SLC41A1: variants seen among roughly 807,000 people sequenced by gnomAD.
The protein encoded by SLC41A1 is solute carrier family 41 (magnesium transporter), member 1.
Under a neutral mutation model 47.3 loss-of-function variants are expected in SLC41A1, and 20 were observed. The observed-to-expected ratio is 0.42, with a 90% CI of 0.30 to 0.61. The LOEUF is 0.61. Among genes scored for constraint, SLC41A1 ranks in the 20% least tolerant of loss-of-function variants. The pLI, the probability that SLC41A1 is intolerant of heterozygous loss-of-function variation, is 0.17. For missense variants in SLC41A1, 504 were observed against 674.1 expected (o/e 0.75, Z 2.79); for synonymous variants, 282 against 272.7 (o/e 1.03, Z -0.34).
Position 205,791,749 on chromosome 1 carries a change from C to A in SLC41A1, c.1357-31G>T, listed in dbSNP as rs1360661392. The A allele has an allele frequency of 1.2e-5, 20 of 1,610,114 alleles. No homozygotes were observed. Among genetic ancestry groups the A allele is most frequent in the Non-Finnish European group, 1.6e-5 (19 of 1,178,946 alleles). On this transcript the variant is annotated intron_variant, in intron 10 of 10. Coordinates refer to ENST00000367137, the MANE Select transcript of SLC41A1 (RefSeq NM_173854.6). This position sits in a 1 kb window ranked among gnomAD's most constrained non-coding sequence, Gnocchi z 4.0. The stretch of plus-strand genomic sequence containing the variant: ...GAGACAAAAGGGCCCAGCCTATAGC[C>A]ATCCTCTCTCTCCAGGGGGAGCCAG...
In SLC41A1 at chr1:205,802,548, C is replaced by T. The variant is rs528480991; in HGVS notation, c.373-1488G>A. ...CCTGACCAACATGGAGAAACCCCGT[C>T]TCTACTGAAAATACAAAAATTAGCT... On this transcript the variant is annotated intron_variant, in intron 2 of 10. Transcript: ENST00000367137. Among the ~76,000 whole-genome samples the T allele has an allele frequency of 3.3e-5, 5 of 151,544 alleles. No homozygotes were observed. In the East Asian group the frequency reaches 9.8e-4, roughly 30 times the overall value.
chr1:205,802,719 A>AAAAAT (rs60350796), intron 2 of SLC41A1, among the ~76,000 whole-genome samples: 16,899 of 133,278 alleles, frequency 0.13, 1,475 homozygotes, highest in African/African-American at 0.24. Flanking sequence ...ACTCTGTCTC[A>AAAAAT]AAAATAAAAT....
chr1:205,804,488 T>A (rs547363769), intron 2 of SLC41A1, among the ~76,000 whole-genome samples: 1 of 152,230 alleles, frequency 6.6e-6, no homozygotes, highest in African/African-American at 2.4e-5. Flanking sequence ...CTCCAAACAC[T>A]GAAGGGAAGT....
chr1:205,794,803 G>A, intron 10 of SLC41A1, 67 bp downstream of exon 10: 1 of 1,602,944 alleles, frequency 6.2e-7, no homozygotes, highest in Non-Finnish European at 8.5e-7. Flanking sequence ...GCCAAGTCTG[G>A]CCTCCTCTCC....
chr1:205,806,116 T>C (rs571422519), intron 2 of SLC41A1, among the ~76,000 whole-genome samples: 153 of 152,308 alleles, frequency 1.0e-3, no homozygotes, highest in African/African-American at 3.4e-3. Context: ...AAAGGCATCC[T>C]CTAGGTGTCC....
intron 2 of SLC41A1, among the ~76,000 whole-genome samples, chr1:205,804,197 C>G (rs1315085069): frequency 6.6e-6 from 1 of 152,118 alleles, no homozygotes; most frequent in Non-Finnish European, 1.5e-5. Context: ...GGGCTTGAGA[C>G]CAGGAGAGGC....
intron 8 of SLC41A1, 190 bp downstream of exon 8, chr1:205,796,734 T>C: frequency 1.6e-6 from 1 of 639,446 alleles, no homozygotes; most frequent in Admixed American, 2.5e-5. Context: ...TGCCTCAACA[T>C]CCCTTATCTG....
intron 8 of SLC41A1, 54 bp from the exon 9 acceptor site, chr1:205,795,532 G>A: frequency 2.5e-6 from 4 of 1,599,448 alleles, no homozygotes; most frequent in Non-Finnish European, 3.4e-6. Flanking sequence ...GGAGGAGTGG[G>A]AACAAAATGA....
intron 2 of SLC41A1, 75 bp from the exon 3 acceptor site, chr1:205,801,135 G>A: frequency 8.5e-7 from 1 of 1,176,130 alleles, no homozygotes; most frequent in Admixed American, 1.7e-5. Flanking sequence ...GGTAGTCTGA[G>A]ATCAGGGGCT....
At chr1:205,811,707 C>G (rs1006549713) in intron 1 of SLC41A1, among the ~76,000 whole-genome samples, 6 of 152,162 alleles carry the variant, frequency 3.9e-5, no homozygotes, top group African/African-American at 1.4e-4. Flanking sequence ...CCTGCCAGAC[C>G]AAGGCCAAGA....
rs1297145605 is a variant in SLC41A1, at chr1:205,812,961, C to T, written c.-800G>A. On this transcript the variant is annotated 5_prime_UTR_variant, in exon 1 of 11. Coordinates refer to ENST00000367137, the MANE Select transcript of SLC41A1 (RefSeq NM_173854.6). Reference sequence around the variant, plus strand: ...CCCCCACACCCCCAGCCAAGGCGAGCGTCCAGCCGCGACACCCGGCTCGCT... The same window carrying T: ...CCCCCACACCCCCAGCCAAGGCGAGTGTCCAGCCGCGACACCCGGCTCGCT... 4 of 985,760 alleles carry T rather than the reference C, an allele frequency of 4.1e-6. No individual in the cohort carries two copies. Among genetic ancestry groups the T allele is most frequent in the Non-Finnish European group, 2.4e-6 (2 of 830,286 alleles). The allele number at this position is 985,760 out of a possible 1,614,324, so 61.1% of individuals were successfully genotyped here. A position where few individuals can be genotyped will look rare whatever the true frequency, so the allele number is the denominator to read the frequency against.
chr1:205,792,745 A>G (rs1265729074), intron 10 of SLC41A1, among the ~76,000 whole-genome samples: 1 of 152,202 alleles, frequency 6.6e-6, no homozygotes, highest in African/African-American at 2.4e-5. Context: ...TGAGAATGAA[A>G]CAGATTCTGA....
chr1:205,791,653 C>T lies in SLC41A1; in HGVS notation c.1422G>A (p.Pro474=), dbSNP rs750909582. The change falls in exon 11 of 11, where the codon CCG becomes CCA. Residue 474 remains proline (P), a synonymous_variant. Transcript: ENST00000367137. The surrounding 1 kb of genome is among the most constrained non-coding windows in gnomAD (Gnocchi z 4.0). ...VHWMWGRGLD[P]DNFSIPYLTA... Reference sequence around the variant, plus strand: ...TCAAGTATGGGATGGAGAAGTTGTCCGGGTCCAGGCCCCGGCCCCACATCC... The same window carrying T: ...TCAAGTATGGGATGGAGAAGTTGTCTGGGTCCAGGCCCCGGCCCCACATCC... The T allele has an allele frequency of 1.5e-5, 24 of 1,613,920 alleles. No homozygotes were observed. Among genetic ancestry groups the T allele is most frequent in the Non-Finnish European group, 1.6e-5 (19 of 1,180,010 alleles).
At chr1:205,801,249 C>G (rs1172567526) in intron 2 of SLC41A1, 189 bp from the exon 3 acceptor site, 2 of 575,416 alleles carry the variant, frequency 3.5e-6, no homozygotes, top group Non-Finnish European at 6.3e-6. Context: ...ACACAACCCC[C>G]CTTCCTGCCA....
In SLC41A1 at chr1:205,813,127, C is replaced by G; in HGVS notation, c.-966G>C. ...CCGGGGAGCCGAGCTCACGCGCCCC[C>G]AATCGCTTCTTGCCCGCGGACTCGG... On this transcript the variant is annotated 5_prime_UTR_variant, in exon 1 of 11. Coordinates refer to ENST00000367137, the MANE Select transcript of SLC41A1 (RefSeq NM_173854.6). The G allele has an allele frequency of 1.0e-6, 1 of 985,574 alleles. No individual in the cohort carries two copies. Among genetic ancestry groups the G allele is most frequent in the Non-Finnish European group, 1.2e-6 (1 of 830,062 alleles). The allele number at this position is 985,574 out of a possible 1,614,324, so 61.1% of individuals were successfully genotyped here.
At position 205,813,159 on chromosome 1, in the gene SLC41A1, C is replaced by A; in HGVS notation, c.-998G>T. The A allele has an allele frequency of 4.1e-6, 4 of 985,500 alleles. No homozygotes were observed. The highest frequency in any genetic ancestry group is 4.8e-6 in the Non-Finnish European group (4 of 829,976). The allele number at this position is 985,500 out of a possible 1,614,324, so 61.0% of individuals were successfully genotyped here. Reference sequence around the variant, plus strand: ...TTCTTGCCCGCGGACTCGGGCCCAACTGGTTGGCTGCCGGTGGCAAACGTG... The same window carrying A: ...TTCTTGCCCGCGGACTCGGGCCCAAATGGTTGGCTGCCGGTGGCAAACGTG... On this transcript the variant is annotated 5_prime_UTR_variant, in exon 1 of 11. Coordinates refer to ENST00000367137, the MANE Select transcript of SLC41A1 (RefSeq NM_173854.6).
chr1:205,796,718 T>C, intron 8 of SLC41A1: 1 of 611,538 alleles, frequency 1.6e-6, no homozygotes, highest in Non-Finnish European at 2.9e-6. Flanking sequence ...GCTGCTAATC[T>C]CTCGGTGCCT....
chr1:205,802,759 TAAAA>T (rs1655917077), intron 2 of SLC41A1, among the ~76,000 whole-genome samples: 1 of 151,138 alleles, frequency 6.6e-6, no homozygotes, highest in Non-Finnish European at 1.5e-5. Context: ...TAAAATAAAA[TAAAA>T]TAAAATAGAT....
In SLC41A1 at chr1:205,813,162, G is replaced by C. The variant is rs1656204883; in HGVS notation, c.-1001C>G. 5 of 985,388 alleles carry C rather than the reference G, an allele frequency of 5.1e-6. No homozygotes were observed. The highest frequency in any genetic ancestry group is 1.7e-5 in the African/African-American group (1 of 57,232). 61.0% of individuals were successfully genotyped at this position (985,388 alleles called of 1,614,324 possible). ...TTGCCCGCGGACTCGGGCCCAACTGGTTGGCTGCCGGTGGCAAACGTGATC... is the reference window on the plus strand; with the variant it reads ...TTGCCCGCGGACTCGGGCCCAACTGCTTGGCTGCCGGTGGCAAACGTGATC... On this transcript the variant is annotated 5_prime_UTR_variant, in exon 1 of 11. Coordinates refer to ENST00000367137, the MANE Select transcript of SLC41A1 (RefSeq NM_173854.6).
Sources: gnomAD v4.1 joint callset for allele counts (sites outside exome capture counted in the v4.1 genomes callset) on GRCh38, gnomAD v4.1.1 for gene constraint, Gnocchi (gnomAD v3.1) non-coding constraint, MANE v1.5 for transcripts, NCBI Gene and HGNC (gene_info 2026-07-23, HGNC 2026-07-21) for gene names.